SDK1: variants seen among roughly 807,000 people sequenced by gnomAD.
SDK1 encodes the protein sidekick cell adhesion molecule 1.
Under a neutral mutation model 245.5 loss-of-function variants are expected in SDK1, and 157 were observed. The observed-to-expected ratio is 0.64, with a 90% CI of 0.56 to 0.73. The LOEUF is 0.73. SDK1 is among the 30% of genes least tolerant of loss of function. The pLI is 0.00. For missense variants in SDK1, 3,583 were observed against 3,002.3 expected, an observed-to-expected ratio of 1.19 and a Z score of -4.52; for synonymous variants, 1,647 against 1,278.5, an observed-to-expected ratio of 1.29 and a Z score of -6.15.
At chr7:3,843,247 A>G (rs1431903509) in intron 5 of SDK1, among the ~76,000 whole-genome samples, 1 of 152,240 alleles carries the variant, frequency 6.6e-6, no homozygotes, top group Non-Finnish European at 1.5e-5. Context: ...AACTGTTTGT[A>G]AACTTATATT....
chr7:4,208,936 AG>A (rs1360855247), intron 37 of SDK1, among the ~76,000 whole-genome samples: 1 of 152,198 alleles, frequency 6.6e-6, no homozygotes, highest in Non-Finnish European at 1.5e-5. Flanking sequence ...TTGGGCTCTG[AG>A]GAGCTCTCCA....
At chr7:3,387,969 C>G (rs1404632733) in intron 1 of SDK1, among the ~76,000 whole-genome samples, 1 of 152,184 alleles carries the variant, frequency 6.6e-6, no homozygotes, top group Non-Finnish European at 1.5e-5. Flanking sequence ...GAACGAGATT[C>G]AAACCAAAGT....
chr7:3,806,448 G>A (rs892087855), intron 4 of SDK1, among the ~76,000 whole-genome samples: 2 of 152,232 alleles, frequency 1.3e-5, no homozygotes, highest in African/African-American at 4.8e-5. Context: ...CCCAACAGAC[G>A]GCTAAAGAGT....
intron 4 of SDK1, among the ~76,000 whole-genome samples, chr7:3,662,770 G>C (rs976266975): frequency 2.6e-5 from 4 of 152,118 alleles, no homozygotes; most frequent in Admixed American, 2.6e-4. Context: ...AATTTCAAAT[G>C]CTTCAAAATC....
chr7:3,454,540 A>G (rs536255850), intron 1 of SDK1, among the ~76,000 whole-genome samples: 2 of 152,108 alleles, frequency 1.3e-5, no homozygotes, highest in Admixed American at 6.6e-5. Flanking sequence ...TTTCATAACT[A>G]TCCCTTCCCA....
intron 5 of SDK1, among the ~76,000 whole-genome samples, chr7:3,900,992 C>G (rs1169923700): frequency 6.6e-6 from 1 of 152,002 alleles, no homozygotes; most frequent in Non-Finnish European, 1.5e-5. Context: ...ATTCTAGCGT[C>G]CAATTAAGGA....
intron 17 of SDK1, among the ~76,000 whole-genome samples, chr7:4,021,631 C>A (rs1024029307): frequency 2.0e-5 from 3 of 152,212 alleles, no homozygotes; most frequent in African/African-American, 7.2e-5. Flanking sequence ...ATTGCGTCCC[C>A]ACTCTAGAAG....
intron 4 of SDK1, among the ~76,000 whole-genome samples, chr7:3,729,613 C>A (rs1779115853): frequency 1.3e-5 from 2 of 152,186 alleles, no homozygotes. Context: ...TGCTTCTTGT[C>A]TGGGGCAGCT....
chr7:3,688,236 T>G (rs1459490112), intron 4 of SDK1, among the ~76,000 whole-genome samples: 1 of 152,202 alleles, frequency 6.6e-6, no homozygotes, highest in Non-Finnish European at 1.5e-5. Flanking sequence ...CAAGCCTGTC[T>G]GAAGTCCTGG....
At chr7:3,309,209 T>TA (rs1305665393) in intron 1 of SDK1, among the ~76,000 whole-genome samples, 4 of 152,116 alleles carry the variant, frequency 2.6e-5, no homozygotes, top group African/African-American at 9.7e-5. Context: ...GTCTTCTCTC[T>TA]AGGTGTTAGG....
At chr7:4,225,038 A>G (rs73048294) in intron 40 of SDK1, among the ~76,000 whole-genome samples, 3,840 of 147,506 alleles carry the variant, frequency 0.026, 77 homozygotes, top group Non-Finnish European at 0.04. Flanking sequence ...CTAGAAAACT[A>G]CAGAAGGGCC....
At chr7:3,332,592 G>A (rs896702867) in intron 1 of SDK1, among the ~76,000 whole-genome samples, 2 of 152,014 alleles carry the variant, frequency 1.3e-5, no homozygotes, top group African/African-American at 4.8e-5. Context: ...AATGTAAATG[G>A]CCTGCCATTT....
intron 1 of SDK1, among the ~76,000 whole-genome samples, chr7:3,569,020 T>C (rs1186543670): frequency 6.6e-6 from 1 of 151,652 alleles, no homozygotes; most frequent in Non-Finnish European, 1.5e-5. Context: ...TTTTTTTTTT[T>C]CTAGTAACTC....
intron 4 of SDK1, among the ~76,000 whole-genome samples, chr7:3,760,983 G>A (rs1013325485): frequency 1.3e-5 from 2 of 152,330 alleles, no homozygotes; most frequent in African/African-American, 4.8e-5. Flanking sequence ...GGATGGTTAT[G>A]AATTAAGCTG....
chr7:3,712,204 C>A (rs1396208998), intron 4 of SDK1, among the ~76,000 whole-genome samples: 1 of 152,162 alleles, frequency 6.6e-6, no homozygotes, highest in Non-Finnish European at 1.5e-5. Context: ...CCATCACTTG[C>A]ATTCCTGCCT....
At chr7:3,511,848 T>C (rs1393569845) in intron 1 of SDK1, among the ~76,000 whole-genome samples, 1 of 149,544 alleles carries the variant, frequency 6.7e-6, no homozygotes, top group African/African-American at 2.5e-5. Context: ...CAAAATTGAG[T>C]AGCTGGTACA....
Position 4,265,739 on chromosome 7 carries a change from A to C in SDK1, c.*355A>C. 1.9e-6 allele frequency: 2 copies of C among 1,060,836 alleles called. No individual in the cohort carries two copies. The highest frequency in any genetic ancestry group is 2.3e-6 in the Non-Finnish European group (2 of 882,226). The allele number at this position is 1,060,836 out of a possible 1,614,324, so 65.7% of individuals were successfully genotyped here. A position where few individuals can be genotyped will look rare whatever the true frequency, so the allele number is the denominator to read the frequency against. On this transcript the variant is annotated 3_prime_UTR_variant, in exon 45 of 45. Transcript: ENST00000404826. ...ACCAACTAGGAAGGGTCAAGCGGGGAGAGGGAGTGGAGGGTCAGGTGAGAT... is the reference window on the plus strand; with the variant it reads ...ACCAACTAGGAAGGGTCAAGCGGGGCGAGGGAGTGGAGGGTCAGGTGAGAT...
intron 1 of SDK1, among the ~76,000 whole-genome samples, chr7:3,383,027 A>G (rs118108667): frequency 5.1e-4 from 77 of 152,304 alleles, no homozygotes; most frequent in Non-Finnish European, 9.3e-4. Flanking sequence ...ATTACTAGCA[A>G]ATCACCCACT....
chr7:3,744,545 C>T (rs1779562716), intron 4 of SDK1, among the ~76,000 whole-genome samples: 1 of 152,282 alleles, frequency 6.6e-6, no homozygotes, highest in East Asian at 1.9e-4. Context: ...GGCATGGTGG[C>T]TCACGCCTGT....
Sources: gnomAD v4.1 joint callset for allele counts (sites outside exome capture counted in the v4.1 genomes callset) on GRCh38, gnomAD v4.1.1 for gene constraint, MANE v1.5 for transcripts, NCBI Gene and HGNC (gene_info 2026-07-23, HGNC 2026-07-21) for gene names.